Variants in KLHL32 observed in about 807,000 individuals in gnomAD.
KLHL32 encodes kelch-like protein 32.
Under a neutral mutation model 64.8 loss-of-function variants are expected in KLHL32, and 35 were observed. The observed-to-expected ratio is 0.54, with a 90% CI of 0.41 to 0.72. The LOEUF (loss-of-function observed/expected upper bound fraction) is 0.72. Ranked by LOEUF, KLHL32 falls within the 30% of genes least tolerant of loss-of-function variation. The pLI, the probability that KLHL32 is intolerant of heterozygous loss-of-function variation, is 0.00. For synonymous variants in KLHL32, 259 were observed against 281.0 expected, an observed-to-expected ratio of 0.92 and a Z score of 0.78; for missense variants, 589 against 768.5, an observed-to-expected ratio of 0.77 and a Z score of 2.76.
intron 3 of KLHL32, among the ~76,000 whole-genome samples, chr6:97,003,771 T>C (rs1779334814): frequency 6.6e-6 from 1 of 152,238 alleles, no homozygotes; most frequent in African/African-American, 2.4e-5. Context: ...TGCTTGTTTT[T>C]GTTGACTTTA....
At chr6:97,060,536 T>C (rs1390943080) in intron 4 of KLHL32, among the ~76,000 whole-genome samples, 1 of 152,108 alleles carries the variant, frequency 6.6e-6, no homozygotes, top group African/African-American at 2.4e-5. Context: ...ATACAGAATC[T>C]CACCTCAGGT....
Position 96,942,654 on chromosome 6 carries a change from GGTGTGTGTGT to G in KLHL32, c.-66+17656_-66+17665del, listed in dbSNP as rs373680196. The stretch of plus-strand genomic sequence containing the variant: ...TAACAGTGACTTGCTACAGCTGTGG[GGTGTGTGTGT>G]GTGTGTGTGTGTGTGTGTGTGTGTG... On this transcript the variant is annotated intron_variant, in intron 1 of 10. Coordinates refer to ENST00000369261, the MANE Select transcript of KLHL32 (RefSeq NM_052904.4). Among the ~76,000 whole-genome samples, 396 of 144,316 alleles carry G rather than the reference GGTGTGTGTGT, an allele frequency of 2.7e-3. 2 individuals carry two copies. Among genetic ancestry groups the G allele is most frequent in the African/African-American group, 9.6e-3 (368 of 38,390 alleles). The allele number at this position is 144,316 out of a possible 152,430, so 94.7% of individuals were successfully genotyped here. A position where few individuals can be genotyped will look rare whatever the true frequency, so the allele number is the denominator to read the frequency against.
intron 9 of KLHL32, 116 bp from the exon 10 acceptor site, chr6:97,132,537 C>A: frequency 1.4e-6 from 1 of 708,100 alleles, no homozygotes; most frequent in Non-Finnish European, 2.4e-6. Context: ...GCAAAAATCC[C>A]ATGGAGTATA....
chr6:97,113,698 A>G, intron 6 of KLHL32, 85 bp from the exon 7 acceptor site: 1 of 1,485,360 alleles, frequency 6.7e-7, no homozygotes, highest in Admixed American at 2.0e-5. Flanking sequence ...GCCTGGAAGA[A>G]TACAGGTAAC....
intron 4 of KLHL32, among the ~76,000 whole-genome samples, chr6:97,062,038 A>G (rs961118061): frequency 6.6e-6 from 1 of 152,232 alleles, no homozygotes; most frequent in African/African-American, 2.4e-5. Context: ...TATTTTAGAA[A>G]AACTTATGTT....
At chr6:96,960,063 A>G (rs1773715995) in intron 1 of KLHL32, among the ~76,000 whole-genome samples, 1 of 152,124 alleles carries the variant, frequency 6.6e-6, no homozygotes, top group South Asian at 2.1e-4. Context: ...CCTTGACCTC[A>G]TTATGCCTTA....
At chr6:96,907,228 T>TC in the KLHL32 span, among the ~76,000 whole-genome samples, 1 of 152,190 alleles carries the variant, frequency 6.6e-6, no homozygotes, top group East Asian at 1.9e-4. Context: ...ACAACAAATC[T>TC]CCAGGTACTC....
intron 3 of KLHL32, among the ~76,000 whole-genome samples, chr6:96,980,751 A>G (rs1042037945): frequency 2.0e-5 from 3 of 152,052 alleles, no homozygotes; most frequent in Admixed American, 6.6e-5. Flanking sequence ...GCTCTTTTTT[A>G]TATATCTGGT....
At chr6:96,978,440 C>T (rs950673298) in intron 3 of KLHL32, among the ~76,000 whole-genome samples, 2 of 152,146 alleles carry the variant, frequency 1.3e-5, no homozygotes, top group Non-Finnish European at 2.9e-5. Flanking sequence ...TAATGGCCTC[C>T]AGCTCCATCC....
chr6:96,990,898 A>G (rs1210398773), intron 3 of KLHL32, among the ~76,000 whole-genome samples: 1 of 152,104 alleles, frequency 6.6e-6, no homozygotes, highest in Admixed American at 6.5e-5. Context: ...TCCTTAGTCC[A>G]AGGGCAGCAA....
At chr6:97,031,780 A>G (rs1206107) in intron 3 of KLHL32, among the ~76,000 whole-genome samples, 26,688 of 152,172 alleles carry the variant, frequency 0.18, 2,792 homozygotes, top group African/African-American at 0.3. Flanking sequence ...TCCTGAAGCC[A>G]GAGATAGGGA....
intron 1 of KLHL32, among the ~76,000 whole-genome samples, chr6:96,944,767 G>C (rs1434870354): frequency 6.6e-6 from 1 of 152,238 alleles, no homozygotes; most frequent in East Asian, 1.9e-4. Flanking sequence ...CCAAATCTGT[G>C]AAGTGACAGT....
intron 3 of KLHL32, among the ~76,000 whole-genome samples, chr6:96,987,402 A>T (rs1777246658): frequency 6.6e-6 from 1 of 152,150 alleles, no homozygotes. Context: ...AGATTCTGGT[A>T]TGTTGTGTCT....
At chr6:96,936,442 C>T (rs529736156) in intron 1 of KLHL32, among the ~76,000 whole-genome samples, 2 of 152,306 alleles carry the variant, frequency 1.3e-5, no homozygotes, top group East Asian at 3.9e-4. Flanking sequence ...TCATCCAGAG[C>T]CTCTCCATTT....
chr6:96,945,934 G>C (rs1011837870), intron 1 of KLHL32, among the ~76,000 whole-genome samples: 3 of 152,150 alleles, frequency 2.0e-5, no homozygotes, highest in African/African-American at 7.2e-5. Context: ...GAACTGAGGA[G>C]CTGGTCTTCA....
chr6:96,996,101 G>C (rs573981446), intron 3 of KLHL32, among the ~76,000 whole-genome samples: 3 of 152,176 alleles, frequency 2.0e-5, no homozygotes, highest in Admixed American at 2.0e-4. Context: ...AGGGCCCAGC[G>C]TGGGCAGCCC....
intron 3 of KLHL32, among the ~76,000 whole-genome samples, chr6:96,985,274 A>T (rs1220723786): frequency 6.6e-6 from 1 of 152,204 alleles, no homozygotes; most frequent in African/African-American, 2.4e-5. Flanking sequence ...TTTGTGGGTA[A>T]CCTGGTCTTT....
chr6:96,950,169 G>T (rs1169084475), intron 1 of KLHL32, among the ~76,000 whole-genome samples: 1 of 151,834 alleles, frequency 6.6e-6, no homozygotes, highest in Non-Finnish European at 1.5e-5. Flanking sequence ...AGACTTAGAA[G>T]CACATTTTTA....
chr6:96,930,294 G>T (rs1769701033), intron 1 of KLHL32, among the ~76,000 whole-genome samples: 1 of 152,062 alleles, frequency 6.6e-6, no homozygotes. Flanking sequence ...TTCTACAATT[G>T]AAAGTGCAAG....
Sources: allele counts gnomAD v4.1 joint callset (sites outside exome capture counted in the v4.1 genomes callset), GRCh38; gene constraint gnomAD v4.1.1; transcripts MANE v1.5; gene names NCBI Gene and HGNC (gene_info 2026-07-23, HGNC 2026-07-21).